RBMS3: variants seen among roughly 807,000 people sequenced by gnomAD.
RBMS3 encodes RNA binding motif single stranded interacting protein 3.
RBMS3 carries 27 observed loss-of-function variants against 66.8 expected under a neutral mutation model. The ratio of observed to expected loss-of-function variants is 0.40; its 90% CI spans 0.30 to 0.56. RBMS3 has a LOEUF of 0.56. RBMS3 is among the 20% of genes least tolerant of loss of function. The probability of loss-of-function intolerance (pLI) is 0.40; values close to 1 mark genes in which losing one functional copy is unlikely to be tolerated. For synonymous variants in RBMS3, 188 were observed against 183.0 expected, an observed-to-expected ratio of 1.03 and a Z score of -0.22; for missense variants, 513 against 549.5, an observed-to-expected ratio of 0.93 and a Z score of 0.66.
chr3:29,688,600 T>A (rs2051840727), intron 4 of RBMS3, among the ~76,000 whole-genome samples: 1 of 102,394 alleles, frequency 9.8e-6, no homozygotes, highest in Non-Finnish European at 1.9e-5. Flanking sequence ...TTTTTTTTTT[T>A]TGAGATGGAG....
intron 7 of RBMS3, among the ~76,000 whole-genome samples, chr3:29,869,252 C>G (rs897489134): frequency 1.3e-5 from 2 of 152,122 alleles, no homozygotes; most frequent in African/African-American, 2.4e-5. Context: ...GAATTGATTT[C>G]TATTTGTGTA....
intron 1 of RBMS3, among the ~76,000 whole-genome samples, chr3:29,301,287 A>T (rs1425168464): frequency 6.6e-6 from 1 of 152,036 alleles, no homozygotes; most frequent in Non-Finnish European, 1.5e-5. Flanking sequence ...AAGTCTAACA[A>T]GAGAGCTTTA....
chr3:29,700,816 C>T (rs1363655580), intron 4 of RBMS3, among the ~76,000 whole-genome samples: 1 of 151,582 alleles, frequency 6.6e-6, no homozygotes, highest in East Asian at 1.9e-4. Context: ...AATTAGAGAG[C>T]TGCAAGTAAT....
At chr3:29,881,557 A>G (rs189131197) in intron 7 of RBMS3, among the ~76,000 whole-genome samples, 5 of 152,256 alleles carry the variant, frequency 3.3e-5, no homozygotes, top group African/African-American at 4.8e-5. Flanking sequence ...ATTTCAAAAC[A>G]TGATTTCCAC....
At chr3:29,568,156 A>C (rs1226844609) in intron 3 of RBMS3, among the ~76,000 whole-genome samples, 3 of 152,186 alleles carry the variant, frequency 2.0e-5, no homozygotes, top group Non-Finnish European at 4.4e-5. Context: ...CCTCAAATGA[A>C]CATTACTTTT....
At chr3:29,962,261 G>A (rs2149738840) in intron 12 of RBMS3, among the ~76,000 whole-genome samples, 1 of 151,314 alleles carries the variant, frequency 6.6e-6, no homozygotes, top group South Asian at 2.1e-4. Flanking sequence ...AGGATAAAAT[G>A]ATATAAGTAG....
chr3:29,870,318 A>G (rs1434903598), intron 7 of RBMS3, among the ~76,000 whole-genome samples: 1 of 152,108 alleles, frequency 6.6e-6, no homozygotes, highest in Non-Finnish European at 1.5e-5. Flanking sequence ...AACACCCATT[A>G]TCTAAAAAGA....
At chr3:29,577,260 G>A (rs141674569) in intron 3 of RBMS3, among the ~76,000 whole-genome samples, 5 of 152,290 alleles carry the variant, frequency 3.3e-5, no homozygotes, top group Admixed American at 1.3e-4. Context: ...ATTCTACCAC[G>A]GCTGAGCTGG....
At position 29,828,895 on chromosome 3, in the gene RBMS3, G is replaced by A. The variant is rs572746343; in HGVS notation, c.638-39963G>A. On this transcript the variant is annotated intron_variant, in intron 6 of 14. Transcript: ENST00000383767. ...TTTTGTTCCCATTCTAAAGATAACT[G>A]TGTGTTCAGTAATAACCCATATAGT... is the stretch of plus-strand genomic sequence containing the variant. Among the ~76,000 whole-genome samples the A allele has an allele frequency of 1.6e-3, 244 of 152,300 alleles. 3 individuals carry two copies. The Middle Eastern group carries it at 0.02, about 13-fold the overall frequency.
intron 2 of RBMS3, among the ~76,000 whole-genome samples, chr3:29,475,256 T>C (rs113374653): frequency 4.9e-4 from 75 of 151,592 alleles, no homozygotes; most frequent in African/African-American, 1.2e-3. Flanking sequence ...CTTTTCTTTT[T>C]TTTTTTTTTG....
chr3:29,327,432 A>C (rs1213012611), intron 1 of RBMS3, among the ~76,000 whole-genome samples: 2 of 152,182 alleles, frequency 1.3e-5, no homozygotes, highest in African/African-American at 4.8e-5. Flanking sequence ...TCTCCAAAAA[A>C]TGCCCGCAAA....
At chr3:29,628,031 A>G (rs547795751) in intron 4 of RBMS3, among the ~76,000 whole-genome samples, 14 of 152,322 alleles carry the variant, frequency 9.2e-5, no homozygotes, top group African/African-American at 3.4e-4. Context: ...TATATTGAAC[A>G]GACATATTAA....
chr3:29,628,659 A>T (rs1202690158), intron 4 of RBMS3, among the ~76,000 whole-genome samples: 4 of 151,858 alleles, frequency 2.6e-5, no homozygotes, highest in Non-Finnish European at 5.9e-5. Context: ...TACGTTTCAT[A>T]TGTTCATCAT....
chr3:29,353,368 T>C (rs2037036782), intron 1 of RBMS3, among the ~76,000 whole-genome samples: 1 of 152,004 alleles, frequency 6.6e-6, no homozygotes, highest in Non-Finnish European at 1.5e-5. Flanking sequence ...ATCAGGAGTT[T>C]TTTATTATTA....
At chr3:29,930,424 T>C (rs1323976140) in intron 10 of RBMS3, among the ~76,000 whole-genome samples, 1 of 152,026 alleles carries the variant, frequency 6.6e-6, no homozygotes, top group Non-Finnish European at 1.5e-5. Context: ...CTTTGTGTCA[T>C]TTTTCTAGTT....
intron 4 of RBMS3, among the ~76,000 whole-genome samples, chr3:29,596,532 G>C (rs1271879742): frequency 1.3e-5 from 2 of 152,174 alleles, no homozygotes. Context: ...TCTTACTAGG[G>C]TCCTTGGAGG....
At chr3:29,617,392 AC>A (rs1217677941) in intron 4 of RBMS3, among the ~76,000 whole-genome samples, 1 of 152,244 alleles carries the variant, frequency 6.6e-6, no homozygotes, top group East Asian at 1.9e-4. Context: ...TTTCATTTAT[AC>A]AGCTAAAAAA....
chr3:29,798,229 A>G (rs911738737), intron 6 of RBMS3, among the ~76,000 whole-genome samples: 35 of 146,606 alleles, frequency 2.4e-4, no homozygotes, highest in African/African-American at 8.7e-4. Context: ...AAGGTATGAC[A>G]CAGAGGAAGG....
At chr3:29,896,455 C>T (rs1468420155) in intron 8 of RBMS3, among the ~76,000 whole-genome samples, 1 of 151,398 alleles carries the variant, frequency 6.6e-6, no homozygotes, top group East Asian at 1.9e-4. Flanking sequence ...TGCATTTTTC[C>T]AACCTATCCT....
Sources: allele counts gnomAD v4.1 joint callset (sites outside exome capture counted in the v4.1 genomes callset), GRCh38; gene constraint gnomAD v4.1.1; transcripts MANE v1.5; gene names NCBI Gene and HGNC (gene_info 2026-07-23, HGNC 2026-07-21).